The following NKAIN2 variants were observed in gnomAD, a reference collection of about 807,000 sequenced individuals.
NKAIN2 encodes the protein sodium/potassium-transporting ATPase subunit beta-1-interacting protein 2.
Under a neutral mutation model 32.6 loss-of-function variants are expected in NKAIN2, and 14 were observed. The ratio of observed to expected loss-of-function variants is 0.43; its 90% CI spans 0.28 to 0.67. The LOEUF (loss-of-function observed/expected upper bound fraction) is 0.67, where lower values mean the gene tolerates loss of function less well. Ranked by LOEUF, NKAIN2 falls within the 30% of genes least tolerant of loss-of-function variation. The pLI is 0.17. For synonymous variants in NKAIN2, 80 were observed against 87.2 expected (o/e 0.92, Z 0.46); for missense variants, 198 against 258.3 (o/e 0.77, Z 1.60).
chr6:124,805,335 A>G (rs1298844224), intron 5 of NKAIN2, among the ~76,000 whole-genome samples: 2 of 152,190 alleles, frequency 1.3e-5, no homozygotes, highest in East Asian at 1.9e-4. Flanking sequence ...GCGGTTCACA[A>G]AAAACCACTG....
At position 124,047,444 on chromosome 6, in the gene NKAIN2, C is replaced by A. The variant is rs559599488; in HGVS notation, c.55-235561C>A. Among the ~76,000 whole-genome samples the A allele has an allele frequency of 6.8e-3, 1,020 of 149,612 alleles. 6 individuals are homozygous for A. The highest frequency in any genetic ancestry group is 0.028 in the Middle Eastern group (8 of 288). Reference sequence around the variant, plus strand: ...TGAGGGAAATTTACTTTCTCTCTCTCTCTCTATATATATATAGTTAAATAG... The same window carrying A: ...TGAGGGAAATTTACTTTCTCTCTCTATCTCTATATATATATAGTTAAATAG... On this transcript the variant is annotated intron_variant, in intron 1 of 6. Coordinates refer to ENST00000368417, the MANE Select transcript of NKAIN2 (RefSeq NM_001040214.3).
At chr6:124,343,624 G>T (rs554898690) in intron 2 of NKAIN2, among the ~76,000 whole-genome samples, 41 of 151,424 alleles carry the variant, frequency 2.7e-4, no homozygotes, top group African/African-American at 8.7e-4. Flanking sequence ...CTGCATAAAT[G>T]TCTTCTTTTG....
In NKAIN2 at chr6:124,250,065, G is replaced by A. The variant is rs181825350; in HGVS notation, c.55-32940G>A. Among the ~76,000 whole-genome samples the A allele has an allele frequency of 8.5e-5, 13 of 152,218 alleles. No homozygotes were observed. In the East Asian group the frequency reaches 2.5e-3, roughly 29 times the overall value. Reference sequence around the variant, plus strand: ...GGAAGGTGATTAGGTCATGAGGACAGAGCCCTCCTGAATGGAATTAGTGCC... The same window carrying A: ...GGAAGGTGATTAGGTCATGAGGACAAAGCCCTCCTGAATGGAATTAGTGCC... On this transcript the variant is annotated intron_variant, in intron 1 of 6. Coordinates refer to ENST00000368417, the MANE Select transcript of NKAIN2 (RefSeq NM_001040214.3).
At chr6:124,740,812 G>T (rs765637977) in intron 4 of NKAIN2, among the ~76,000 whole-genome samples, 29 of 151,846 alleles carry the variant, frequency 1.9e-4, no homozygotes, top group Non-Finnish European at 3.1e-4. Flanking sequence ...GACAGTAAAG[G>T]TTGTAATAAA....
chr6:124,215,628 A>T (rs1468300705), intron 1 of NKAIN2, among the ~76,000 whole-genome samples: 1 of 152,162 alleles, frequency 6.6e-6, no homozygotes, highest in African/African-American at 2.4e-5. Context: ...CTAAAGAAAA[A>T]TTATTCTCAA....
At chr6:124,191,556 C>A (rs1790022815) in intron 1 of NKAIN2, among the ~76,000 whole-genome samples, 1 of 152,142 alleles carries the variant, frequency 6.6e-6, no homozygotes, top group South Asian at 2.1e-4. Flanking sequence ...CAACAGTGAG[C>A]TGTATGTCTT....
intron 1 of NKAIN2, among the ~76,000 whole-genome samples, chr6:123,843,774 G>A (rs762759664): frequency 2.0e-5 from 3 of 152,106 alleles, no homozygotes; most frequent in South Asian, 2.1e-4. Flanking sequence ...TGGTGGCGAC[G>A]CAAGTTATGG....
At chr6:123,817,191 G>A (rs1194169481) in intron 1 of NKAIN2, among the ~76,000 whole-genome samples, 1 of 152,106 alleles carries the variant, frequency 6.6e-6, no homozygotes, top group African/African-American at 2.4e-5. Flanking sequence ...AAAGAGTAAA[G>A]TAGGCTTCAG....
intron 2 of NKAIN2, among the ~76,000 whole-genome samples, chr6:124,295,430 A>G (rs1289515433): frequency 6.6e-6 from 1 of 152,100 alleles, no homozygotes; most frequent in Non-Finnish European, 1.5e-5. Context: ...AATTTAGTAA[A>G]ACTAAGACAA....
At chr6:124,565,159 C>T (rs540250580) in intron 3 of NKAIN2, among the ~76,000 whole-genome samples, 52 of 152,176 alleles carry the variant, frequency 3.4e-4, no homozygotes, top group African/African-American at 1.2e-3. Context: ...GGTATCATAG[C>T]CAAGGTCTTA....
intron 1 of NKAIN2, among the ~76,000 whole-genome samples, chr6:124,238,417 G>T (rs565051654): frequency 6.6e-6 from 1 of 152,178 alleles, no homozygotes; most frequent in African/African-American, 2.4e-5. Context: ...TAGGAAATGT[G>T]GGAGCCAGTA....
chr6:124,062,762 A>G (rs2114859564), intron 1 of NKAIN2, among the ~76,000 whole-genome samples: 1 of 152,214 alleles, frequency 6.6e-6, no homozygotes, highest in South Asian at 2.1e-4. Context: ...GATAATTCCA[A>G]TTTCTATTCC....
intron 3 of NKAIN2, among the ~76,000 whole-genome samples, chr6:124,632,548 C>T (rs1783611240): frequency 6.6e-6 from 1 of 152,186 alleles, no homozygotes; most frequent in Non-Finnish European, 1.5e-5. Flanking sequence ...ACCCCCTCCT[C>T]TTAAAAGTGT....
rs543175741 is a variant in NKAIN2 at position 124,003,511 on chromosome 6, A to G, written c.54+199257A>G. Among the ~76,000 whole-genome samples, 4 of 152,314 alleles carry G rather than the reference A, an allele frequency of 2.6e-5. No homozygotes were observed. In the South Asian group the frequency reaches 8.3e-4, roughly 32 times the overall value. On this transcript the variant is annotated intron_variant, in intron 1 of 6. Transcript: ENST00000368417. ...TGATGGAATGCAAATTCTTCACCAAATGCTTTTGAATGGAGTGCCTAATAT... is the reference window on the plus strand; with the variant it reads ...TGATGGAATGCAAATTCTTCACCAAGTGCTTTTGAATGGAGTGCCTAATAT...
chr6:124,349,787 T>C (rs1198376269), intron 2 of NKAIN2, among the ~76,000 whole-genome samples: 1 of 152,192 alleles, frequency 6.6e-6, no homozygotes, highest in Non-Finnish European at 1.5e-5. Context: ...CTAATTTTTA[T>C]CTTATATAGC....
chr6:124,062,730 A>G (rs1782974948), intron 1 of NKAIN2, among the ~76,000 whole-genome samples: 1 of 152,160 alleles, frequency 6.6e-6, no homozygotes, highest in African/African-American at 2.4e-5. Context: ...TTGGTAGTGA[A>G]TCCTCTCTAT....
intron 1 of NKAIN2, among the ~76,000 whole-genome samples, chr6:124,095,740 A>G (rs1784621844): frequency 1.3e-5 from 2 of 152,122 alleles, no homozygotes; most frequent in African/African-American, 4.8e-5. Context: ...ACTCTTTTTT[A>G]TGTTATCACT....
chr6:124,253,831 CTTTTTT>C (rs774924597), intron 1 of NKAIN2, among the ~76,000 whole-genome samples: 18 of 134,144 alleles, frequency 1.3e-4, no homozygotes, highest in African/African-American at 4.7e-4. Context: ...CAATGTTCTA[CTTTTTT>C]TTTTTTTTTT....
chr6:124,743,875 T>C (rs1251996902), intron 4 of NKAIN2, among the ~76,000 whole-genome samples: 2 of 151,842 alleles, frequency 1.3e-5, no homozygotes, highest in Admixed American at 1.3e-4. Context: ...TTTATTGATA[T>C]AGACCAAAGC....
Sources: gnomAD v4.1 joint callset for allele counts (sites outside exome capture counted in the v4.1 genomes callset) on GRCh38, gnomAD v4.1.1 for gene constraint, MANE v1.5 for transcripts, NCBI Gene and HGNC (gene_info 2026-07-23, HGNC 2026-07-21) for gene names.